Variants in POP4 observed in about 807,000 individuals in gnomAD.
The protein encoded by POP4 is ribonuclease P protein subunit p29.
Under a neutral mutation model 29.9 loss-of-function variants are expected in POP4, and 31 were observed. The observed-to-expected ratio is 1.04, with a 90% CI of 0.78 to 1.40. The LOEUF is 1.40. POP4 is among the 40% of genes most tolerant of loss of function. POP4 has a pLI of 0.00. For synonymous variants in POP4, 110 were observed against 108.2 expected (o/e 1.02, Z -0.10); for missense variants, 286 against 282.7 (o/e 1.01, Z -0.08).
chr19:29,608,808 C>A, intron 2 of POP4, 99 bp downstream of exon 2: 1 of 1,113,650 alleles, frequency 9.0e-7, no homozygotes, highest in Non-Finnish European at 1.4e-6. Flanking sequence ...TCCTTTCCCA[C>A]ATCATACTCC....
chr19:29,609,913 CAG>C lies in POP4; in HGVS notation c.61-495_61-494del, dbSNP rs1286496171. Among the ~76,000 whole-genome samples the C allele has an allele frequency of 5.9e-5, 9 of 152,310 alleles. No homozygotes were observed. In the East Asian group the frequency reaches 1.5e-3, roughly 26 times the overall value. Reference sequence around the variant, plus strand: ...GAGTATTGTCCTAAGGGCACAGTGTCAGGGTCCCTGCGCCCTGAGGCTTGGCC... The same window carrying C: ...GAGTATTGTCCTAAGGGCACAGTGTCGGTCCCTGCGCCCTGAGGCTTGGCC... On this transcript the variant is annotated intron_variant, in intron 2 of 6. Transcript: ENST00000585603.
At position 29,611,857 on chromosome 19, in the gene POP4, T is replaced by A; in HGVS notation, c.285-5T>A. 6.2e-7 allele frequency: 1 copy of A among 1,613,616 alleles called. No individual in the cohort carries two copies. The highest frequency in any genetic ancestry group is 2.2e-5 in the East Asian group (1 of 44,886). On this transcript the variant is annotated splice_polypyrimidine_tract_variant and splice_region_variant and intron_variant, in intron 3 of 6. Transcript: ENST00000585603. ...ACTTTTTCCCTGTTTCTGACTTTGC[T>A]GCAGATACAGCCTTTTCCTCCCTCT...
In POP4 at chr19:29,614,503, A is replaced by ATTTTTTTTT. The variant is rs753589513; in HGVS notation, c.526+536_526+537insTTTTTTTTT. Among the ~76,000 whole-genome samples, 2 of 83,616 alleles carry ATTTTTTTTT rather than the reference A, an allele frequency of 2.4e-5. 1 individual carries two copies. The allele number at this position is 83,616 out of a possible 152,430, so 54.9% of individuals were successfully genotyped here. A position where few individuals can be genotyped will look rare whatever the true frequency, so the allele number is the denominator to read the frequency against. ...ATAGTTAGAAGGTTTTGTTCCTTTAATTTTTCTTTTTTTTTTTTTTGGAGA... is the reference window on the plus strand; with the variant it reads ...ATAGTTAGAAGGTTTTGTTCCTTTAATTTTTTTTTTTTTTCTTTTTTTTTTTTTTGGAGA... On this transcript the variant is annotated intron_variant, in intron 6 of 6. Coordinates refer to ENST00000585603, the MANE Select transcript of POP4 (RefSeq NM_006627.3).
At chr19:29,612,013 G>C in intron 4 of POP4, 74 bp downstream of exon 4, 1 of 1,588,918 alleles carries the variant, frequency 6.3e-7, no homozygotes, top group Non-Finnish European at 8.6e-7. Flanking sequence ...GCGGCTTCAG[G>C]AACCAGCGTT....
intron 1 of POP4, among the ~76,000 whole-genome samples, chr19:29,608,190 TCTC>T (rs1205142026): frequency 6.6e-6 from 1 of 151,792 alleles, no homozygotes; most frequent in Non-Finnish European, 1.5e-5. Flanking sequence ...AACCTCATCT[TCTC>T]CTATCTCTGA....
At chr19:29,613,540 G>A (rs961531578) in intron 5 of POP4, among the ~76,000 whole-genome samples, 2 of 152,226 alleles carry the variant, frequency 1.3e-5, no homozygotes, top group African/African-American at 2.4e-5. Flanking sequence ...AGACCTGGCT[G>A]CATCAGAGCA....
Position 29,615,321 on chromosome 19 carries a change from CT to C in POP4, c.606del (p.Arg203GlyfsTer24). 6.2e-7 allele frequency: 1 copy of C among 1,612,102 alleles called. No homozygotes were observed. The highest frequency in any genetic ancestry group is 1.3e-5 in the African/African-American group (1 of 74,372). On this transcript the variant is annotated frameshift_variant, in exon 7 of 7. Transcript: ENST00000585603. LOFTEE classifies it high-confidence loss of function. ...ISYIYGSKFQ[L>X]RSSERSAKKF... is the part of the protein sequence containing the mutation. ...CTACATTTACGGGAGCAAATTCCAGCTTCGGTCAAGTGAACGGTCTGCGAAG... is the reference window on the plus strand; with the variant it reads ...CTACATTTACGGGAGCAAATTCCAGCTCGGTCAAGTGAACGGTCTGCGAAG...
intron 2 of POP4, 24 bp from the exon 3 acceptor site, chr19:29,610,385 C>T (rs1971049692): frequency 1.3e-6 from 2 of 1,534,530 alleles, no homozygotes; most frequent in Non-Finnish European, 1.8e-6. Context: ...GCAGTGAGCG[C>T]CGCACCCCCT....
At chr19:29,610,684 G>T in intron 3 of POP4, 52 bp downstream of exon 3, 1 of 1,568,046 alleles carries the variant, frequency 6.4e-7, no homozygotes, top group Non-Finnish European at 8.7e-7. Context: ...CCTTCTTGGT[G>T]TGTGAACTTG....
At chr19:29,610,373 G>A in intron 2 of POP4, 36 bp from the exon 3 acceptor site, 4 of 1,519,132 alleles carry the variant, frequency 2.6e-6, no homozygotes, top group South Asian at 1.2e-5. Context: ...GCCCAGACCG[G>A]AGCAGTGAGC....
chr19:29,608,605 C>G, intron 1 of POP4, 52 bp from the exon 2 acceptor site: 3 of 1,544,298 alleles, frequency 1.9e-6, no homozygotes, highest in Non-Finnish European at 2.7e-6. Context: ...AGTCTTGGGT[C>G]TTACAGCCAT....
At position 29,616,578 on chromosome 19, in the gene POP4, C is replaced by CGCTGACTG. The variant is rs1392591088; in HGVS notation, c.*1199_*1206dup. ...CCGTAGTGGAGAAGGGAAGTGGGAG[C>CGCTGACTG]GCTGACTGCTGTGTGCCAGGAGAGT... On this transcript the variant is annotated 3_prime_UTR_variant, in exon 7 of 7. Coordinates refer to ENST00000585603, the MANE Select transcript of POP4 (RefSeq NM_006627.3). 1 of 152,454 alleles carries CGCTGACTG rather than the reference C, an allele frequency of 6.6e-6. No individual in the cohort carries two copies. Among genetic ancestry groups the CGCTGACTG allele is most frequent in the East Asian group, 1.9e-4 (1 of 5,192 alleles). 9.4% of individuals were successfully genotyped at this position (152,454 alleles called of 1,614,324 possible).
At chr19:29,610,661 C>T in intron 3 of POP4, 29 bp downstream of exon 3, 11 of 1,603,106 alleles carry the variant, frequency 6.9e-6, no homozygotes, top group Non-Finnish European at 8.5e-6. Flanking sequence ...GTCTTTCTGC[C>T]CGCGGTGCTT....
chr19:29,612,778 T>C (rs1971085944), intron 5 of POP4, among the ~76,000 whole-genome samples: 1 of 152,208 alleles, frequency 6.6e-6, no homozygotes, highest in Non-Finnish European at 1.5e-5. Flanking sequence ...TGTTTCTTCT[T>C]TCCTAATCTC....
Position 29,615,240 on chromosome 19 carries a change from T to TTTTTTTTTTCC in POP4, c.527-4_527-3insTTTTTTTTTCC. 2 of 1,465,856 alleles carry TTTTTTTTTTCC rather than the reference T, an allele frequency of 1.4e-6. No homozygotes were observed. Among genetic ancestry groups the TTTTTTTTTTCC allele is most frequent in the East Asian group, 2.4e-5 (1 of 41,400 alleles). 90.8% of individuals were successfully genotyped at this position (1,465,856 alleles called of 1,614,324 possible). On this transcript the variant is annotated splice_polypyrimidine_tract_variant and splice_region_variant and intron_variant, in intron 6 of 6. Coordinates refer to ENST00000585603, the MANE Select transcript of POP4 (RefSeq NM_006627.3). ...TCTCCTGCCTTTTTTTTTTTTTTTT[T>TTTTTTTTTTCC]CAGTTATCCCCAAGCTAAACTGCGT...
intron 1 of POP4, 84 bp from the exon 2 acceptor site, chr19:29,608,573 T>C (rs1187067317): frequency 3.0e-6 from 4 of 1,350,448 alleles, no homozygotes; most frequent in Non-Finnish European, 4.2e-6. Context: ...CCTAGTGGCG[T>C]AGTTATTTTC....
chr19:29,608,102 A>C (rs78127264), intron 1 of POP4, among the ~76,000 whole-genome samples: 1 of 152,290 alleles, frequency 6.6e-6, no homozygotes, highest in East Asian at 1.9e-4. Flanking sequence ...TTTTTAAACC[A>C]TGTGCTTGGA....
chr19:29,612,669 C>T (rs1183076021), intron 5 of POP4, among the ~76,000 whole-genome samples: 3 of 152,172 alleles, frequency 2.0e-5, no homozygotes, highest in East Asian at 3.8e-4. Context: ...AAGCTGCCAC[C>T]GATTCTCCTC....
At position 29,616,651 on chromosome 19, in the gene POP4, C is replaced by T. The variant is rs996855078; in HGVS notation, c.*1271C>T. On this transcript the variant is annotated 3_prime_UTR_variant, in exon 7 of 7. Transcript: ENST00000585603. ...CCACCCCTCCCCAAAGCTCAGTGCA[C>T]CCAGAGTCTCACAGGGACCAACACG... 1 of 152,654 alleles carries T rather than the reference C, an allele frequency of 6.6e-6. No individual in the cohort carries two copies. The highest frequency in any genetic ancestry group is 1.5e-5 in the Non-Finnish European group (1 of 68,390). The allele number at this position is 152,654 out of a possible 1,614,324, so 9.5% of individuals were successfully genotyped here. A position where few individuals can be genotyped will look rare whatever the true frequency, so the allele number is the denominator to read the frequency against.
Sources: allele counts gnomAD v4.1 joint callset (sites outside exome capture counted in the v4.1 genomes callset), GRCh38; gene constraint gnomAD v4.1.1; transcripts MANE v1.5; gene names NCBI Gene and HGNC (gene_info 2026-07-23, HGNC 2026-07-21).